TFB2M: variants seen among roughly 807,000 people sequenced by gnomAD.
TFB2M encodes dimethyladenosine transferase 2, mitochondrial.
TFB2M carries 44 observed loss-of-function variants against 41.3 expected under a neutral mutation model. That is an observed-to-expected ratio of 1.07 (90% confidence interval 0.84 to 1.37). TFB2M has a LOEUF of 1.37. TFB2M is among the 40% of genes most tolerant of loss of function. The pLI is 0.00. For synonymous variants in TFB2M, 188 were observed against 176.8 expected, an observed-to-expected ratio of 1.06 and a Z score of -0.50; for missense variants, 496 against 490.2, an observed-to-expected ratio of 1.01 and a Z score of -0.11.
At chr1:246,554,865 A>T (rs2102988131) in intron 4 of TFB2M, among the ~76,000 whole-genome samples, 1 of 152,326 alleles carries the variant, frequency 6.6e-6, no homozygotes, top group East Asian at 1.9e-4. Flanking sequence ...TGACTTCATC[A>T]AAATGAAAAA....
At chr1:246,550,276 T>G (rs568017913) in intron 5 of TFB2M, among the ~76,000 whole-genome samples, 5 of 152,164 alleles carry the variant, frequency 3.3e-5, no homozygotes, top group Admixed American at 2.0e-4. Context: ...ACTATAGTAC[T>G]GAGAGTACAA....
intron 1 of TFB2M, among the ~76,000 whole-genome samples, chr1:246,565,540 C>T (rs1475071587): frequency 6.6e-6 from 1 of 152,100 alleles, no homozygotes; most frequent in Non-Finnish European, 1.5e-5. Context: ...GGCGAAATCC[C>T]GTCTCTAGTA....
At position 246,565,906 on chromosome 1, in the gene TFB2M, C is replaced by G. The variant is rs765575980; in HGVS notation, c.233G>C (p.Arg78Pro). The G allele has an allele frequency of 1.2e-6, 2 of 1,613,808 alleles. No individual in the cohort carries two copies. Among genetic ancestry groups the G allele is most frequent in the South Asian group, 1.1e-5 (1 of 91,078 alleles). Residue 78 changes from arginine (R) to proline (P), a missense_variant, in exon 1 of 8, where the codon CGG (arginine) becomes CCG (proline). Transcript: ENST00000366514. ...SLDFKRYVTD[R>P]RLAETLAQIY... ...TTGCGCCAGGGTCTCAGCCAATCTC[C>G]GATCGGTTACGTAACGCTTAAAGTC... is the stretch of plus-strand genomic sequence containing the variant.
intron 4 of TFB2M, among the ~76,000 whole-genome samples, chr1:246,554,300 C>T (rs1659262342): frequency 6.6e-6 from 1 of 152,262 alleles, no homozygotes; most frequent in Non-Finnish European, 1.5e-5. Context: ...CCCCAATCCC[C>T]GGGCCACGAA....
intron 2 of TFB2M, among the ~76,000 whole-genome samples, chr1:246,560,305 T>C (rs968083587): frequency 6.6e-5 from 10 of 152,208 alleles, no homozygotes; most frequent in African/African-American, 2.2e-4. Flanking sequence ...CTCATGCTTG[T>C]AGTCCCAGGA....
intron 6 of TFB2M, among the ~76,000 whole-genome samples, chr1:246,547,651 T>A (rs1361041462): frequency 2.0e-5 from 3 of 146,442 alleles, no homozygotes. Flanking sequence ...TAGGCCATTG[T>A]TAGCATTTAA....
chr1:246,562,258 T>G (rs1659475340), intron 2 of TFB2M, among the ~76,000 whole-genome samples: 1 of 152,192 alleles, frequency 6.6e-6, no homozygotes, highest in Admixed American at 6.5e-5. Flanking sequence ...ATAAGTTTCC[T>G]AAGTTGAAAC....
Position 246,549,693 on chromosome 1 carries a change from G to C in TFB2M, c.796-1086C>G, listed in dbSNP as rs181616445. 3.6e-3 allele frequency among the ~76,000 whole-genome samples: 546 copies of C among 152,204 alleles called. 5 individuals carry two copies. The highest frequency in any genetic ancestry group is 0.012 in the African/African-American group (517 of 41,520). On this transcript the variant is annotated intron_variant, in intron 5 of 7. Transcript: ENST00000366514. ...AGTGGGTTAAAATAGATCTGACATA[G>C]GCTTAAAAGACTAAACAATATTGAA...
At chr1:246,548,469 C>A (rs1659082170) in intron 6 of TFB2M, 76 bp downstream of exon 6, 9 of 1,288,820 alleles carry the variant, frequency 7.0e-6, no homozygotes, top group East Asian at 2.4e-5. Flanking sequence ...TACAGACTAC[C>A]AAATAGTCCT....
chr1:246,559,424 C>T (rs879175604), intron 2 of TFB2M, among the ~76,000 whole-genome samples: 1 of 152,136 alleles, frequency 6.6e-6, no homozygotes, highest in Admixed American at 6.5e-5. Flanking sequence ...TGGCACACCC[C>T]TGTAACTCCA....
chr1:246,541,366 G>A (rs1043855514), intron 7 of TFB2M, among the ~76,000 whole-genome samples, 164 bp from the exon 8 acceptor site: 1 of 152,044 alleles, frequency 6.6e-6, no homozygotes, highest in Non-Finnish European at 1.5e-5. Context: ...TGGGAGGAGG[G>A]TGAAGGATGG....
chr1:246,560,375 C>T (rs909290906), intron 2 of TFB2M, among the ~76,000 whole-genome samples: 1 of 152,078 alleles, frequency 6.6e-6, no homozygotes. Flanking sequence ...TACAAAAAAT[C>T]AGCCAGGTGT....
chr1:246,546,990 T>C (rs1659040458), intron 6 of TFB2M, among the ~76,000 whole-genome samples: 1 of 101,818 alleles, frequency 9.8e-6, no homozygotes, highest in Non-Finnish European at 2.4e-5. Flanking sequence ...CACATTTTTT[T>C]TTTTTTTTTT....
chr1:246,549,552 A>G (rs962152582), intron 5 of TFB2M, among the ~76,000 whole-genome samples: 2 of 152,204 alleles, frequency 1.3e-5, no homozygotes, highest in African/African-American at 2.4e-5. Flanking sequence ...GGTGCACTCC[A>G]ACCTGGGCTG....
At chr1:246,541,347 G>A (rs188279475) in intron 7 of TFB2M, 145 bp from the exon 8 acceptor site, 95 of 726,634 alleles carry the variant, frequency 1.3e-4, no homozygotes, top group Middle Eastern at 4.0e-4. Flanking sequence ...GAATCAGCAG[G>A]GAAGAGGATG....
At chr1:246,555,714 CATT>C (rs1341985427) in intron 4 of TFB2M, among the ~76,000 whole-genome samples, 1 of 152,190 alleles carries the variant, frequency 6.6e-6, no homozygotes, top group Non-Finnish European at 1.5e-5. Flanking sequence ...TTCATTGCAG[CATT>C]ATTCCCAACA....
At position 246,557,674 on chromosome 1, in the gene TFB2M, G is replaced by A. The variant is rs1180379226; in HGVS notation, c.403-140C>T. ...CAATTACCTGGGGTTTTTTTGTTTT[G>A]TTTTGTTTTGTTTTTGAGAGACAGA... On this transcript the variant is annotated intron_variant, in intron 2 of 7. Transcript: ENST00000366514. The A allele has an allele frequency of 1.4e-5, 11 of 774,876 alleles. No homozygotes were observed. The Admixed American group carries it at 4.1e-4, about 29-fold the overall frequency. 48.0% of individuals were successfully genotyped at this position (774,876 alleles called of 1,614,324 possible).
intron 4 of TFB2M, among the ~76,000 whole-genome samples, chr1:246,553,540 C>T (rs1469634791): frequency 3.9e-5 from 6 of 152,214 alleles, no homozygotes; most frequent in African/African-American, 1.2e-4. Flanking sequence ...CGGGGGTGCA[C>T]GCCTGTAGTC....
chr1:246,565,958 G>A lies in TFB2M; in HGVS notation c.181C>T (p.Pro61Ser). The A allele has an allele frequency of 6.2e-7, 1 of 1,614,180 alleles. No individual in the cohort carries two copies. Among genetic ancestry groups the A allele is most frequent in the Non-Finnish European group, 8.5e-7 (1 of 1,180,026 alleles). Residue 61 changes from proline to serine, a missense_variant, in exon 1 of 8, where the codon CCA (proline) becomes TCA (serine). Pro to Ser is a moderately conservative substitution (Grantham distance 74). Transcript: ENST00000366514. ...AAGCTGGCCTTAGACGCCTTCCTTGGCGGATTCCTGAAATCCGGTTCGGGC... is the reference window on the plus strand; with the variant it reads ...AAGCTGGCCTTAGACGCCTTCCTTGACGGATTCCTGAAATCCGGTTCGGGC... ...LWPEPDFRNP[P>S]RKASKASLDF...
Sources: allele counts gnomAD v4.1 joint callset (sites outside exome capture counted in the v4.1 genomes callset), GRCh38; gene constraint gnomAD v4.1.1; transcripts MANE v1.5; gene names NCBI Gene and HGNC (gene_info 2026-07-23, HGNC 2026-07-21).